The following TENM4 variants were observed in gnomAD, a reference collection of about 807,000 sequenced individuals.
The protein encoded by TENM4 is teneurin transmembrane protein 4.
In TENM4, 82 loss-of-function variants were observed where a neutral mutation model predicts 243.3. That is an observed-to-expected ratio of 0.34 (90% CI 0.28 to 0.40). The LOEUF (loss-of-function observed/expected upper bound fraction) is 0.40. Ranked by LOEUF, TENM4 falls within the 10% of genes least tolerant of loss-of-function variation. The pLI is 1.00. For missense variants in TENM4, 3,138 were observed against 3,673.3 expected (o/e 0.85, Z 3.77); for synonymous variants, 1,412 against 1,456.3 (o/e 0.97, Z 0.69).
chr11:78,784,124 A>G (rs567118497), intron 16 of TENM4, among the ~76,000 whole-genome samples: 1 of 152,360 alleles, frequency 6.6e-6, no homozygotes, highest in Admixed American at 6.5e-5. Flanking sequence ...TAGCTACACG[A>G]TAATGACCTA....
chr11:79,095,921 C>T (rs1236370023), intron 4 of TENM4: 2 of 152,214 alleles, frequency 1.3e-5, no homozygotes, highest in African/African-American at 4.8e-5. Context: ...CATGGCAGCA[C>T]CTGGCCTCTA....
At chr11:79,190,803 C>G (rs1280946920) in intron 3 of TENM4, among the ~76,000 whole-genome samples, 1 of 122,056 alleles carries the variant, frequency 8.2e-6, no homozygotes, top group African/African-American at 3.4e-5. Flanking sequence ...CTCCCTCTCC[C>G]TCTCCCGTCT....
chr11:79,079,331 C>T lies in TENM4; in HGVS notation c.-65-9322G>A, dbSNP rs147861014. Among the ~76,000 whole-genome samples, 713 of 152,300 alleles carry T rather than the reference C, an allele frequency of 4.7e-3. 7 individuals carry two copies. Among genetic ancestry groups the T allele is most frequent in the Non-Finnish European group, 6.7e-3 (453 of 68,016 alleles). On this transcript the variant is annotated intron_variant, in intron 4 of 33. Coordinates refer to ENST00000278550, the MANE Select transcript of TENM4 (RefSeq NM_001098816.3). Reference sequence around the variant, plus strand: ...GCACTGCTTCTCTGATCCTGAGCTGCGGAGCTGGGAGGGCTCCCCCCAGAG... The same window carrying T: ...GCACTGCTTCTCTGATCCTGAGCTGTGGAGCTGGGAGGGCTCCCCCCAGAG...
At chr11:78,869,094 A>G (rs1039496433) in intron 9 of TENM4, among the ~76,000 whole-genome samples, 1 of 152,324 alleles carries the variant, frequency 6.6e-6, no homozygotes, top group African/African-American at 2.4e-5. Context: ...GTTCCAAACC[A>G]AGAAACTATA....
intron 2 of TENM4, among the ~76,000 whole-genome samples, chr11:79,217,991 C>T (rs1176456335): frequency 6.6e-6 from 1 of 152,106 alleles, no homozygotes; most frequent in African/African-American, 2.4e-5. Context: ...GCTGGGATTA[C>T]AGGTGTGAGC....
intron 4 of TENM4, among the ~76,000 whole-genome samples, chr11:79,129,430 G>T (rs1861952348): frequency 1.3e-5 from 2 of 152,208 alleles, no homozygotes; most frequent in Admixed American, 1.3e-4. Context: ...GGCGGAGGAA[G>T]AACCAAGCCC....
At chr11:79,263,042 G>A (rs1172352203) in intron 2 of TENM4, among the ~76,000 whole-genome samples, 2 of 152,184 alleles carry the variant, frequency 1.3e-5, no homozygotes, top group Admixed American at 6.5e-5. Context: ...GCTCAGTGGC[G>A]AGAGGAAGAT....
chr11:78,724,384 G>A (rs968758878), intron 23 of TENM4, among the ~76,000 whole-genome samples: 20 of 152,224 alleles, frequency 1.3e-4, no homozygotes, highest in Non-Finnish European at 4.4e-5. Flanking sequence ...GAGCCACGGT[G>A]CCTGGCCTTT....
At chr11:78,907,833 G>A (rs890346346) in intron 6 of TENM4, among the ~76,000 whole-genome samples, 1 of 152,180 alleles carries the variant, frequency 6.6e-6, no homozygotes, top group African/African-American at 2.4e-5. Context: ...AGCTGTGATG[G>A]AAATTCCAAT....
intron 3 of TENM4, among the ~76,000 whole-genome samples, chr11:79,150,564 C>A (rs1591317020): frequency 1.3e-5 from 2 of 152,152 alleles, no homozygotes; most frequent in East Asian, 3.9e-4. Flanking sequence ...CAAATCGTTG[C>A]CTTGTGGCTT....
intron 9 of TENM4, among the ~76,000 whole-genome samples, chr11:78,881,440 C>A (rs970646620): frequency 3.9e-5 from 6 of 152,120 alleles, no homozygotes; most frequent in African/African-American, 1.4e-4. Context: ...ACCGCCATGC[C>A]TCTATTGAAG....
chr11:78,806,189 C>T (rs932152413), intron 14 of TENM4, among the ~76,000 whole-genome samples: 21 of 152,166 alleles, frequency 1.4e-4, no homozygotes, highest in African/African-American at 5.1e-4. Context: ...GTCCCAGCAA[C>T]TTGGGAGACT....
At chr11:79,143,312 G>T (rs992089691) in intron 4 of TENM4, among the ~76,000 whole-genome samples, 1 of 152,084 alleles carries the variant, frequency 6.6e-6, no homozygotes, top group Non-Finnish European at 1.5e-5. Context: ...TTAAGAAAAT[G>T]TGGCACATAT....
At chr11:79,134,453 A>G (rs1004186324) in intron 4 of TENM4, among the ~76,000 whole-genome samples, 2 of 152,200 alleles carry the variant, frequency 1.3e-5, no homozygotes, top group Admixed American at 1.3e-4. Context: ...CCCAATTCCC[A>G]TCAAAATACT....
chr11:78,816,061 G>A (rs1416418173), intron 12 of TENM4, among the ~76,000 whole-genome samples: 1 of 152,160 alleles, frequency 6.6e-6, no homozygotes, highest in Non-Finnish European at 1.5e-5. Flanking sequence ...GGCCTTGACC[G>A]CTCTGTGACT....
At chr11:79,437,699 T>C (rs1438837957) in intron 1 of TENM4, among the ~76,000 whole-genome samples, 1 of 152,066 alleles carries the variant, frequency 6.6e-6, no homozygotes, top group Non-Finnish European at 1.5e-5. Flanking sequence ...GGAGCTGGGA[T>C]GCGCGGGCCC....
At chr11:78,878,376 G>A (rs755695265) in intron 9 of TENM4, among the ~76,000 whole-genome samples, 18 of 152,190 alleles carry the variant, frequency 1.2e-4, no homozygotes, top group East Asian at 3.9e-4. Flanking sequence ...AACGATCCAC[G>A]TCACAGTCAT....
At chr11:79,415,982 C>T (rs2135580480) in intron 1 of TENM4, among the ~76,000 whole-genome samples, 1 of 151,952 alleles carries the variant, frequency 6.6e-6, no homozygotes, top group East Asian at 1.9e-4. Flanking sequence ...TAAAAGGAAT[C>T]ATACAGTATA....
chr11:78,673,626 A>T (rs2135685765), intron 30 of TENM4, among the ~76,000 whole-genome samples: 1 of 152,306 alleles, frequency 6.6e-6, no homozygotes, highest in East Asian at 1.9e-4. Context: ...TCAGTTTCTT[A>T]CTCTGTATAA....
Sources: gnomAD v4.1 joint callset for allele counts (sites outside exome capture counted in the v4.1 genomes callset) on GRCh38, gnomAD v4.1.1 for gene constraint, MANE v1.5 for transcripts, NCBI Gene and HGNC (gene_info 2026-07-23, HGNC 2026-07-21) for gene names.